DNASE1: variants seen among roughly 807,000 people sequenced by gnomAD.
The protein encoded by DNASE1 is deoxyribonuclease-1.
In DNASE1, 40 loss-of-function variants were observed where a neutral mutation model predicts 33.9. That is an observed-to-expected ratio of 1.18 (90% CI 0.92 to 1.54). DNASE1 has a LOEUF of 1.54. Among genes scored for constraint, DNASE1 ranks in the 40% most tolerant of loss-of-function variants. The pLI is 0.00. For missense variants in DNASE1, 518 were observed against 372.6 expected (o/e 1.39, Z -3.21); for synonymous variants, 216 against 160.0 (o/e 1.35, Z -2.64).
chr16:3,644,855 A>G (rs1011127283), intron 1 of DNASE1, among the ~76,000 whole-genome samples: 4 of 151,868 alleles, frequency 2.6e-5, no homozygotes, highest in Non-Finnish European at 5.9e-5. Context: ...GGGGCTTGGC[A>G]TGGTGGCTCA....
chr16:3,663,372 GC>G, exon 10 of DNASE1: 2 of 1,609,908 alleles, frequency 1.2e-6, no homozygotes, highest in Non-Finnish European at 1.7e-6. Flanking sequence ...GGCAGGAGAG[GC>G]GTGCGGGGAG....
At chr16:3,661,018 G>A (rs2043045188), downstream of DNASE1, 1 of 152,032 alleles carries the variant, frequency 6.6e-6, no homozygotes, top group Non-Finnish European at 1.5e-5. Flanking sequence ...TTGGTAACAT[G>A]TTTATGTAAC....
chr16:3,645,472 G>T lies in DNASE1; in HGVS notation c.-86+2436G>T, dbSNP rs756407991. 2.6e-5 allele frequency among the ~76,000 whole-genome samples: 4 copies of T among 152,358 alleles called. No individual in the cohort carries two copies. The Middle Eastern group carries it at 0.01, about 391-fold the overall frequency. On this transcript the variant is annotated intron_variant, in intron 1 of 9. Coordinates refer to the DNASE1 transcript ENST00000407479. ...CCTCAGGGACTCAGGCTGCGGGTGT[G>T]CTAACCTCCCTGGTGAGAAAGTGGC...
Position 3,657,762 on chromosome 16 carries a change from C to A in DNASE1, c.747C>A (p.Pro249=), listed in dbSNP as rs201975812. The stretch of plus-strand genomic sequence containing the variant: ...TGCTGCTCCGAGGCGCCGTTGTTCC[C>A]GACTCGGCTCTTCCCTTTAACTTCC... The part of the protein sequence containing the change: ...AGMLLRGAVV[P]DSALPFNFQA... Residue 249 remains proline (P), a synonymous_variant, in exon 8 of 9, where the codon CCC becomes CCA. Transcript: ENST00000246949. The A allele has an allele frequency of 4.3e-6, 7 of 1,613,790 alleles. No homozygotes were observed. In the East Asian group the frequency reaches 1.3e-4, roughly 31 times the overall value.
At position 3,656,986 on chromosome 16, in the gene DNASE1, G is replaced by GCTGT; in HGVS notation, c.437-10_437-7dup. 7 of 1,612,572 alleles carry GCTGT rather than the reference G, an allele frequency of 4.3e-6. No individual in the cohort carries two copies. The highest frequency in any genetic ancestry group is 5.9e-6 in the Non-Finnish European group (7 of 1,179,562). On this transcript the variant is annotated splice_polypyrimidine_tract_variant and intron_variant, in intron 5 of 8. Transcript: ENST00000246949. ...CAGGGAGTGTGCCTCACACGACGTG[G>GCTGT]CTGTCTCCACAGAGGTCAGGGAGTT...
chr16:3,653,359 T>C (rs1264429582), upstream of DNASE1: 1 of 152,106 alleles, frequency 6.6e-6, no homozygotes, highest in African/African-American at 2.4e-5. Context: ...GCAACCAAAC[T>C]TGTGGTAGTT....
Position 3,655,897 on chromosome 16 carries a change from C to T in DNASE1, c.196C>T (p.His66Tyr), listed in dbSNP as rs538284922. ...CCTGGTCCAGGAGGTCAGAGACAGC[C>T]ACCTGACTGCCGTGGGGAAGCTGCT... ...IALVQEVRDS[H>Y]LTAVGKLLDN... is the part of the protein sequence containing the mutation. The change falls in exon 3 of 9, where the codon CAC becomes TAC. Residue 66 changes from histidine to tyrosine, a missense_variant. Coordinates refer to ENST00000246949, the MANE Select transcript of DNASE1 (RefSeq NM_005223.4). 11 of 1,614,032 alleles carry T rather than the reference C, an allele frequency of 6.8e-6. No homozygotes were observed. Among genetic ancestry groups the T allele is most frequent in the Middle Eastern group, 1.7e-4 (1 of 6,060 alleles).
downstream of DNASE1, chr16:3,660,281 T>C (rs1412237641): frequency 2.0e-5 from 3 of 152,210 alleles, no homozygotes; most frequent in East Asian, 5.8e-4. Context: ...GAGGAAATTT[T>C]CCCCTGTAAG....
chr16:3,617,107 A>G (rs993502251), intron 1 of DNASE1, among the ~76,000 whole-genome samples: 3 of 151,876 alleles, frequency 2.0e-5, no homozygotes, highest in African/African-American at 7.3e-5. Context: ...TTTTGGCATC[A>G]CCAGAGGTCA....
chr16:3,657,248 C>T lies in DNASE1; in HGVS notation c.611C>T (p.Ser204Leu). 1.9e-6 allele frequency: 3 copies of T among 1,614,014 alleles called. No homozygotes were observed. The highest frequency in any genetic ancestry group is 2.5e-6 in the Non-Finnish European group (3 of 1,180,022). The part of the protein sequence containing the change: ...GCSYVRPSQW[S>L]SIRLWTSPTF... ...AGCTATGTGAGACCCTCCCAGTGGT[C>T]ATCCATCCGCCTGTGGACAAGCCCC... The change falls in exon 7 of 9, where the codon TCA (serine) becomes TTA (leucine). Residue 204 changes from serine (S) to leucine (L), a missense_variant. Physicochemically the swap from Ser to Leu is moderately radical, Grantham distance 145. Transcript: ENST00000246949.
At chr16:3,656,960 C>T (rs1410597239) in intron 5 of DNASE1, 39 bp from the exon 6 acceptor site, 1 of 1,605,236 alleles carries the variant, frequency 6.2e-7, no homozygotes, top group Non-Finnish European at 8.5e-7. Flanking sequence ...GAACCTGCCC[C>T]CAGGGAGTGT....
chr16:3,645,972 C>A (rs890934218), intron 1 of DNASE1, among the ~76,000 whole-genome samples: 2 of 151,906 alleles, frequency 1.3e-5, no homozygotes, highest in African/African-American at 4.8e-5. Context: ...GATAGTAGCC[C>A]TTTGTCCTCT....
chr16:3,663,977 G>T, exon 10 of DNASE1: 1 of 360,750 alleles, frequency 2.8e-6, no homozygotes, highest in East Asian at 5.6e-5. Flanking sequence ...GCAGGAGAAT[G>T]ACCTGAACCC....
chr16:3,662,003 G>C (rs929207704), downstream of DNASE1: 6 of 1,609,132 alleles, frequency 3.7e-6, no homozygotes, highest in Admixed American at 6.7e-5. Context: ...TTGATCTCCA[G>C]CGTGGGCTGC....
upstream of DNASE1, chr16:3,653,979 C>T (rs572689048): frequency 4.9e-5 from 8 of 163,702 alleles, no homozygotes; most frequent in South Asian, 8.1e-4. Flanking sequence ...GGCATGGTGC[C>T]GTACCCATAG....
At chr16:3,661,702 C>T, downstream of DNASE1, 2 of 361,104 alleles carry the variant, frequency 5.5e-6, no homozygotes, top group Non-Finnish European at 4.9e-6. Context: ...CAAAACTGAG[C>T]ATGTCCAGGA....
intron 1 of DNASE1, among the ~76,000 whole-genome samples, chr16:3,612,851 C>T (rs758583794): frequency 6.6e-6 from 1 of 152,148 alleles, no homozygotes; most frequent in Non-Finnish European, 1.5e-5. Context: ...AAATATGGAG[C>T]ATAGTCAAGA....
At chr16:3,653,269 A>C (rs892905034), upstream of DNASE1, 1 of 152,196 alleles carries the variant, frequency 6.6e-6, no homozygotes, top group Non-Finnish European at 1.5e-5. Flanking sequence ...AGCCTCCAGG[A>C]GGCGCAAGGT....
chr16:3,652,284 C>G (rs2042361771), upstream of DNASE1: 2 of 152,282 alleles, frequency 1.3e-5, no homozygotes, highest in African/African-American at 4.8e-5. Context: ...GCTCTGTGAG[C>G]TATAATTGGT....
Sources: allele counts gnomAD v4.1 joint callset (sites outside exome capture counted in the v4.1 genomes callset), GRCh38; gene constraint gnomAD v4.1.1; transcripts MANE v1.5; gene names NCBI Gene and HGNC (gene_info 2026-07-23, HGNC 2026-07-21).